FYB1: variants seen among roughly 807,000 people sequenced by gnomAD.
The protein encoded by FYB1 is FYN binding protein 1.
In FYB1, 41 loss-of-function variants were observed where a neutral mutation model predicts 94.1. That is an observed-to-expected ratio of 0.44 (90% CI 0.34 to 0.57). The LOEUF (loss-of-function observed/expected upper bound fraction) is 0.57. Ranked by LOEUF, FYB1 falls within the 20% of genes least tolerant of loss-of-function variation. FYB1 has a pLI of 0.02. For missense variants in FYB1, 1,050 were observed against 976.8 expected (o/e 1.07, Z -1.00); for synonymous variants, 367 against 353.2 (o/e 1.04, Z -0.44).
intron 5 of FYB1, 67 bp downstream of exon 5, chr5:39,139,152 GTACCAATACGGAGT>G (rs1741925745): frequency 7.8e-7 from 1 of 1,281,538 alleles, no homozygotes; most frequent in Non-Finnish European, 1.1e-6. Flanking sequence ...TGTTTGTTTT[GTACCAATACGGAGT>G]GAATCATAAT....
intron 2 of FYB1, among the ~76,000 whole-genome samples, chr5:39,154,997 T>C (rs1743617906): frequency 6.6e-6 from 1 of 152,188 alleles, no homozygotes; most frequent in African/African-American, 2.4e-5. Context: ...AATCTTTTTG[T>C]TTCTTAACTG....
At chr5:39,244,033 G>C (rs1169863852) in intron 1 of FYB1, among the ~76,000 whole-genome samples, 1 of 152,138 alleles carries the variant, frequency 6.6e-6, no homozygotes, top group Non-Finnish European at 1.5e-5. Flanking sequence ...AGCTTAAGGA[G>C]ATTTTGGGCT....
intron 1 of FYB1, among the ~76,000 whole-genome samples, chr5:39,217,301 T>C (rs1749940979): frequency 6.6e-6 from 1 of 152,162 alleles, no homozygotes; most frequent in Non-Finnish European, 1.5e-5. Flanking sequence ...CCTTAAACAT[T>C]AGCGAACCAA....
Position 39,137,591 on chromosome 5 carries a change from A to C in FYB1, c.1515+9T>G. ...TTATTCTTTCACTCATTAGCAAGCA[A>C]GCCCTTACTTTAAATTTCTTCTTTA... is the stretch of plus-strand genomic sequence containing the variant. On this transcript the variant is annotated intron_variant, in intron 7 of 18. Transcript: ENST00000512982. 2 of 1,540,746 alleles carry C rather than the reference A, an allele frequency of 1.3e-6. No homozygotes were observed. The highest frequency in any genetic ancestry group is 1.8e-4 in the Middle Eastern group (1 of 5,406).
chr5:39,205,368 T>G (rs1314880126), intron 1 of FYB1, among the ~76,000 whole-genome samples: 1 of 152,180 alleles, frequency 6.6e-6, no homozygotes, highest in African/African-American at 2.4e-5. Context: ...GGAATAATAA[T>G]GTGTAGCCAT....
chr5:39,169,519 A>G, intron 2 of FYB1: 1 of 580,976 alleles, frequency 1.7e-6, no homozygotes, highest in Non-Finnish European at 3.4e-6. Flanking sequence ...CCAGAGGCAG[A>G]GTCCATCTGC....
chr5:39,273,779 A>T (rs1752727060), intron 1 of FYB1, among the ~76,000 whole-genome samples: 2 of 152,178 alleles, frequency 1.3e-5, no homozygotes, highest in Non-Finnish European at 2.9e-5. Context: ...GGAGACTGTG[A>T]GGTCTAGAAG....
At chr5:39,264,784 C>A (rs559517210) in intron 1 of FYB1, among the ~76,000 whole-genome samples, 3 of 152,120 alleles carry the variant, frequency 2.0e-5, no homozygotes, top group African/African-American at 4.8e-5. Context: ...TGTAGTGATT[C>A]CCATGTGCAG....
chr5:39,231,639 G>A (rs988382287), intron 1 of FYB1, among the ~76,000 whole-genome samples: 5 of 152,126 alleles, frequency 3.3e-5, no homozygotes. Context: ...GAGAGACCAG[G>A]AGATTAGTGC....
At chr5:39,191,890 A>G (rs1747394135) in intron 2 of FYB1, among the ~76,000 whole-genome samples, 1 of 152,238 alleles carries the variant, frequency 6.6e-6, no homozygotes, top group Non-Finnish European at 1.5e-5. Context: ...TTCTTCCAAT[A>G]GCTGGAATTA....
intron 9 of FYB1, among the ~76,000 whole-genome samples, chr5:39,133,073 T>C (rs973969546): frequency 1.3e-5 from 2 of 152,234 alleles, no homozygotes; most frequent in African/African-American, 4.8e-5. Flanking sequence ...AAGACAAAAC[T>C]GCTAGAAAGC....
At chr5:39,195,154 C>T (rs1747720160) in intron 2 of FYB1, among the ~76,000 whole-genome samples, 1 of 152,176 alleles carries the variant, frequency 6.6e-6, no homozygotes, top group Non-Finnish European at 1.5e-5. Flanking sequence ...CCCGGGATCT[C>T]TTCTTTTTGT....
intron 1 of FYB1, among the ~76,000 whole-genome samples, chr5:39,204,030 C>T (rs1050180631): frequency 3.3e-5 from 5 of 152,054 alleles, no homozygotes; most frequent in African/African-American, 9.7e-5. Context: ...TGACAATTTC[C>T]CTTTTCATGC....
rs774034133 is a variant in FYB1, at chr5:39,138,653, A to G, written c.1394+4T>C. 6 of 1,517,100 alleles carry G rather than the reference A, an allele frequency of 4.0e-6. No homozygotes were observed. Among genetic ancestry groups the G allele is most frequent in the Non-Finnish European group, 5.5e-6 (6 of 1,100,906 alleles). 94.0% of individuals were successfully genotyped at this position (1,517,100 alleles called of 1,614,324 possible). The stretch of plus-strand genomic sequence containing the variant: ...ACTGTCATGGTAAAAAATGTAATTC[A>G]TACATGTCTTCATATGTTTCTCCTT... On this transcript the variant is annotated splice_donor_region_variant and intron_variant, in intron 6 of 18. Coordinates refer to ENST00000512982, the MANE Select transcript of FYB1 (RefSeq NM_001465.6).
At chr5:39,132,923 C>T (rs543889288) in intron 9 of FYB1, among the ~76,000 whole-genome samples, 41 of 152,216 alleles carry the variant, frequency 2.7e-4, no homozygotes, top group Non-Finnish European at 4.7e-4. Flanking sequence ...CATTTACTGA[C>T]TCACACTAGG....
At chr5:39,210,014 G>C (rs1289155717) in intron 1 of FYB1, among the ~76,000 whole-genome samples, 1 of 152,228 alleles carries the variant, frequency 6.6e-6, no homozygotes, top group Non-Finnish European at 1.5e-5. Context: ...CTCTTCAACA[G>C]GATGTGGGAA....
intron 2 of FYB1, among the ~76,000 whole-genome samples, chr5:39,190,652 A>C (rs1747270149): frequency 6.6e-6 from 1 of 152,202 alleles, no homozygotes; most frequent in Admixed American, 6.5e-5. Flanking sequence ...GGTCTAGAAA[A>C]TTCTCTTTAA....
chr5:39,174,897 T>G (rs1044038617), intron 2 of FYB1, among the ~76,000 whole-genome samples: 1 of 152,168 alleles, frequency 6.6e-6, no homozygotes, highest in Non-Finnish European at 1.5e-5. Flanking sequence ...CAACAACTAA[T>G]AGACTAAGGG....
intron 6 of FYB1, chr5:39,137,965 C>T (rs1424517035): frequency 8.1e-6 from 4 of 491,032 alleles, no homozygotes; most frequent in Non-Finnish European, 1.5e-5. Flanking sequence ...CAAGTGGAAG[C>T]CACCGTTTAT....
Sources: allele counts gnomAD v4.1 joint callset (sites outside exome capture counted in the v4.1 genomes callset), GRCh38; gene constraint gnomAD v4.1.1; transcripts MANE v1.5; gene names NCBI Gene and HGNC (gene_info 2026-07-23, HGNC 2026-07-21).